CALD1: variants seen among roughly 807,000 people sequenced by gnomAD.
CALD1 encodes the protein caldesmon.
Under a neutral mutation model 99.9 loss-of-function variants are expected in CALD1, and 33 were observed. That is an observed-to-expected ratio of 0.33 (90% confidence interval 0.25 to 0.44). CALD1 has a LOEUF of 0.44. Among genes scored for constraint, CALD1 ranks in the 20% least tolerant of loss-of-function variants. CALD1 has a pLI of 1.00. For missense variants in CALD1, 861 were observed against 962.1 expected (o/e 0.89, Z 1.39); for synonymous variants, 310 against 325.0 (o/e 0.95, Z 0.50).
chr7:134,863,474 A>G lies in CALD1; in HGVS notation c.-41-4219A>G, dbSNP rs552857758. Reference sequence around the variant, plus strand: ...GTCCCTAAGTGTTGAGTGCTGGGTTAGCCACCTGCTCACAAACATCTCCTG... The same window carrying G: ...GTCCCTAAGTGTTGAGTGCTGGGTTGGCCACCTGCTCACAAACATCTCCTG... On this transcript the variant is annotated intron_variant, in intron 2 of 14. Coordinates refer to ENST00000361675, the MANE Select transcript of CALD1 (RefSeq NM_033138.4). 3.6e-4 allele frequency among the ~76,000 whole-genome samples: 55 copies of G among 152,336 alleles called. 2 individuals are homozygous for G. In the South Asian group the frequency reaches 0.011, roughly 29 times the overall value.
At chr7:134,780,848 G>C (rs1797078826) in intron 1 of CALD1, among the ~76,000 whole-genome samples, 1 of 152,214 alleles carries the variant, frequency 6.6e-6, no homozygotes, top group African/African-American at 2.4e-5. Context: ...TAGAACCTGA[G>C]TGAAGACTAG....
At chr7:134,791,682 A>C (rs951917223) in intron 1 of CALD1, among the ~76,000 whole-genome samples, 19 of 151,366 alleles carry the variant, frequency 1.3e-4, no homozygotes, top group Admixed American at 1.2e-3. Context: ...AACAAAAAAC[A>C]AAAAAACCTG....
chr7:134,754,785 T>C (rs1460588754), intron 1 of CALD1, among the ~76,000 whole-genome samples: 1 of 152,188 alleles, frequency 6.6e-6, no homozygotes, highest in Non-Finnish European at 1.5e-5. Context: ...GTTTCCAATG[T>C]ATACAATTAC....
At chr7:134,956,184 C>G (rs1200598786) in intron 9 of CALD1, among the ~76,000 whole-genome samples, 1 of 151,794 alleles carries the variant, frequency 6.6e-6, no homozygotes, top group Non-Finnish European at 1.5e-5. Context: ...ATGAAATGCT[C>G]TTACTAGTAT....
intron 1 of CALD1, among the ~76,000 whole-genome samples, chr7:134,815,007 T>G (rs908671910): frequency 6.6e-6 from 1 of 152,234 alleles, no homozygotes; most frequent in East Asian, 1.9e-4. Context: ...TTGGCCTACA[T>G]TGGCCCCTGC....
At chr7:134,793,291 C>G (rs1378862834) in intron 1 of CALD1, among the ~76,000 whole-genome samples, 1 of 152,218 alleles carries the variant, frequency 6.6e-6, no homozygotes, top group Non-Finnish European at 1.5e-5. Context: ...TCCCCAGACA[C>G]AAGGAAAAAT....
At chr7:134,810,637 C>G (rs1369368429) in intron 1 of CALD1, among the ~76,000 whole-genome samples, 2 of 152,164 alleles carry the variant, frequency 1.3e-5, no homozygotes, top group African/African-American at 4.8e-5. Context: ...TCTTCTCTTT[C>G]TCTGCACCCA....
At chr7:134,800,868 AT>A (rs1392798811) in intron 1 of CALD1, among the ~76,000 whole-genome samples, 2 of 151,944 alleles carry the variant, frequency 1.3e-5, no homozygotes, top group Non-Finnish European at 2.9e-5. Context: ...GCAATGTCCA[AT>A]TTTTTAACCC....
At chr7:134,759,754 G>A (rs541934654) in intron 1 of CALD1, among the ~76,000 whole-genome samples, 1 of 152,280 alleles carries the variant, frequency 6.6e-6, no homozygotes, top group South Asian at 2.1e-4. Context: ...TGGGGATAAA[G>A]CAACAAATAA....
intron 2 of CALD1, among the ~76,000 whole-genome samples, chr7:134,864,078 C>T (rs942214183): frequency 6.6e-6 from 1 of 152,072 alleles, no homozygotes; most frequent in Non-Finnish European, 1.5e-5. Flanking sequence ...AGGCTGGGTG[C>T]GGTGGCTCAT....
At chr7:134,760,865 G>C (rs191031576) in intron 1 of CALD1, among the ~76,000 whole-genome samples, 1 of 152,188 alleles carries the variant, frequency 6.6e-6, no homozygotes, top group East Asian at 1.9e-4. Context: ...TTTAACTTTT[G>C]TTTTAGGTTT....
chr7:134,728,058 T>C, the CALD1 span, among the ~76,000 whole-genome samples: 3 of 152,338 alleles, frequency 2.0e-5, no homozygotes, highest in Admixed American at 6.5e-5. Flanking sequence ...TCCTATTAAA[T>C]GCCAACTGAT....
chr7:134,746,548 G>A (rs1358479056), intron 1 of CALD1, among the ~76,000 whole-genome samples: 1 of 152,156 alleles, frequency 6.6e-6, no homozygotes, highest in Non-Finnish European at 1.5e-5. Context: ...AGTAGAGGCT[G>A]GAAGAGTTTT....
intron 5 of CALD1, 102 bp downstream of exon 5, chr7:134,934,179 G>A: frequency 1.3e-6 from 2 of 1,501,730 alleles, no homozygotes; most frequent in East Asian, 2.3e-5. Context: ...TAGCTCACAT[G>A]CTTGATCATT....
intron 4 of CALD1, 65 bp downstream of exon 4, chr7:134,928,965 T>C: frequency 7.2e-7 from 1 of 1,390,542 alleles, no homozygotes; most frequent in Non-Finnish European, 9.9e-7. Context: ...GAATGGAATT[T>C]GTTGAGCAGA....
intron 3 of CALD1, among the ~76,000 whole-genome samples, chr7:134,906,299 T>C (rs1422232177): frequency 3.3e-5 from 5 of 152,134 alleles, no homozygotes; most frequent in African/African-American, 1.2e-4. Context: ...TGGAAAGAAA[T>C]GAATGGGCTT....
At chr7:134,835,618 G>A (rs1278701306) in intron 1 of CALD1, among the ~76,000 whole-genome samples, 2 of 152,160 alleles carry the variant, frequency 1.3e-5, no homozygotes, top group Non-Finnish European at 2.9e-5. Flanking sequence ...ATTTTTCAGA[G>A]TTGACTTAAT....
the CALD1 span, among the ~76,000 whole-genome samples, chr7:134,726,055 A>G: frequency 1.3e-5 from 2 of 152,162 alleles, no homozygotes; most frequent in South Asian, 4.1e-4. Context: ...CAGCATTAGA[A>G]GACTAATACA....
At chr7:134,722,421 G>A in the CALD1 span, among the ~76,000 whole-genome samples, 2,032 of 124,294 alleles carry the variant, frequency 0.016, 36 homozygotes, top group African/African-American at 0.053. Flanking sequence ...TTATTTATTT[G>A]TTTGTTTGTT....
Sources: allele counts gnomAD v4.1 joint callset (sites outside exome capture counted in the v4.1 genomes callset), GRCh38; gene constraint gnomAD v4.1.1; transcripts MANE v1.5; gene names NCBI Gene and HGNC (gene_info 2026-07-23, HGNC 2026-07-21).